Variants in RANBP3 observed in about 807,000 individuals in gnomAD.
The protein encoded by RANBP3 is RAN binding protein 3.
RANBP3 carries 14 observed loss-of-function variants against 77.3 expected under a neutral mutation model. That is an observed-to-expected ratio of 0.18 (90% CI 0.12 to 0.28). The LOEUF (loss-of-function observed/expected upper bound fraction) is 0.28. Ranked by LOEUF, RANBP3 falls within the 10% of genes least tolerant of loss-of-function variation. The pLI, the probability that RANBP3 is intolerant of heterozygous loss-of-function variation, is 1.00. For synonymous variants in RANBP3, 315 were observed against 312.4 expected (o/e 1.01, Z -0.09); for missense variants, 586 against 752.3 (o/e 0.78, Z 2.59).
intron 14 of RANBP3, 24 bp from the exon 15 acceptor site, chr19:5,918,662 C>G: frequency 6.2e-7 from 1 of 1,607,896 alleles, no homozygotes; most frequent in South Asian, 1.1e-5. Flanking sequence ...GGCCACTCAG[C>G]CCTGGCCCCC....
intron 2 of RANBP3, 21 bp downstream of exon 2, chr19:5,957,897 G>C (rs1333915463): frequency 6.2e-7 from 1 of 1,613,316 alleles, no homozygotes; most frequent in Admixed American, 1.7e-5. Context: ...GAAGTGAAGA[G>C]AGAACGTACC....
chr19:5,961,345 A>T (rs1165274440), intron 1 of RANBP3, among the ~76,000 whole-genome samples: 1 of 151,986 alleles, frequency 6.6e-6, no homozygotes, highest in Non-Finnish European at 1.5e-5. Flanking sequence ...CGGGAGGCTG[A>T]GCTTGCAGTG....
chr19:5,944,542 G>A (rs937237913), intron 3 of RANBP3, among the ~76,000 whole-genome samples: 6 of 152,234 alleles, frequency 3.9e-5, no homozygotes, highest in African/African-American at 9.6e-5. Context: ...TGCCCTCGAC[G>A]GGCCCTTACA....
In RANBP3 at chr19:5,941,641, T is replaced by C. The variant is rs1297855159; in HGVS notation, c.386A>G (p.Gln129Arg). The change falls in exon 5 of 17, where the codon CAG (glutamine) becomes CGG (arginine). Residue 129 changes from glutamine to arginine, a missense_variant. Gln to Arg is a conservative substitution (Grantham distance 43). Transcript: ENST00000340578. Reference sequence around the variant, plus strand: ...TTTACCTGACTGTGAGGGTGGGAACTGGGTTAAAGAGGATGTTCTTTCTCG... The same window carrying C: ...TTTACCTGACTGTGAGGGTGGGAACCGGGTTAAAGAGGATGTTCTTTCTCG... ...VKRERTSSLT[Q>R]FPPSQSEERS... 1 of 1,613,222 alleles carries C rather than the reference T, an allele frequency of 6.2e-7. No homozygotes were observed. The highest frequency in any genetic ancestry group is 8.5e-7 in the Non-Finnish European group (1 of 1,179,556).
At chr19:5,944,892 T>C (rs1164228762) in intron 3 of RANBP3, among the ~76,000 whole-genome samples, 1 of 152,204 alleles carries the variant, frequency 6.6e-6, no homozygotes, top group Non-Finnish European at 1.5e-5. Context: ...CCTTACACGG[T>C]GTCCTCCCTG....
chr19:5,964,852 T>TTGG (rs1400764745), intron 1 of RANBP3, among the ~76,000 whole-genome samples: 1 of 16,996 alleles, frequency 5.9e-5, no homozygotes, highest in Admixed American at 9.0e-4. Context: ...GGTGGTAGGG[T>TTGG]GGGGGGGGGG....
intron 14 of RANBP3, among the ~76,000 whole-genome samples, chr19:5,920,404 GCC>G (rs2057802796): frequency 6.6e-6 from 1 of 152,004 alleles, no homozygotes; most frequent in Non-Finnish European, 1.5e-5. Context: ...AAAAAGACAC[GCC>G]CACATTTCAA....
chr19:5,937,935 G>A (rs1468996378), intron 5 of RANBP3, among the ~76,000 whole-genome samples: 1 of 152,150 alleles, frequency 6.6e-6, no homozygotes, highest in Non-Finnish European at 1.5e-5. Context: ...CTGCCTCACC[G>A]TGGCAGGCTC....
intron 5 of RANBP3, among the ~76,000 whole-genome samples, chr19:5,935,105 C>T (rs1431323037): frequency 1.3e-5 from 2 of 152,194 alleles, no homozygotes; most frequent in African/African-American, 4.8e-5. Context: ...TACACTAAAA[C>T]GATGACAACA....
intron 7 of RANBP3, among the ~76,000 whole-genome samples, chr19:5,931,902 G>A (rs1599736428): frequency 6.6e-6 from 1 of 152,020 alleles, no homozygotes; most frequent in African/African-American, 2.4e-5. Context: ...GGGTGTGGTG[G>A]TGCACACTTG....
rs752625202 is a variant in RANBP3, at chr19:5,923,224, G to C, written c.1179C>G (p.Thr393=). The change falls in exon 13 of 17, where the codon ACC becomes ACG. Residue 393 remains threonine, a synonymous_variant. Transcript: ENST00000340578. The part of the protein sequence containing the change: ...KCLLEKVEVI[T]GEEAESNVLQ... ...ACACATTGCTCTCCGCCTCCTCCCC[G>C]GTGATGACTTCCACTTTTTCCAACA... 6.2e-7 allele frequency: 1 copy of C among 1,614,150 alleles called. No individual in the cohort carries two copies. Among genetic ancestry groups the C allele is most frequent in the Non-Finnish European group, 8.5e-7 (1 of 1,180,004 alleles).
chr19:5,951,735 G>A, intron 2 of RANBP3, 139 bp from the exon 3 acceptor site: 2 of 768,144 alleles, frequency 2.6e-6, no homozygotes, highest in South Asian at 3.2e-5. Flanking sequence ...GGGGAGAGCA[G>A]GCACCTGCTT....
chr19:5,923,993 G>C (rs1482554145), intron 11 of RANBP3, 79 bp from the exon 12 acceptor site: 2 of 1,126,094 alleles, frequency 1.8e-6, no homozygotes, highest in African/African-American at 3.1e-5. Context: ...CTCTCTGCCT[G>C]GCCCCCAACA....
chr19:5,949,168 C>T (rs1330251597), intron 3 of RANBP3, among the ~76,000 whole-genome samples: 1 of 152,164 alleles, frequency 6.6e-6, no homozygotes, highest in Admixed American at 6.5e-5. Context: ...TGCCGGGTAA[C>T]ATGGGGGTGG....
At position 5,958,106 on chromosome 19, in the gene RANBP3, G is replaced by A. The variant is rs2058356949; in HGVS notation, c.23-133C>T. 6.1e-6 allele frequency: 5 copies of A among 814,192 alleles called. No individual in the cohort carries two copies. Among genetic ancestry groups the A allele is most frequent in the Non-Finnish European group, 9.7e-6 (5 of 514,844 alleles). 50.4% of individuals were successfully genotyped at this position (814,192 alleles called of 1,614,324 possible). A position where few individuals can be genotyped will look rare whatever the true frequency, so the allele number is the denominator to read the frequency against. On this transcript the variant is annotated intron_variant, in intron 1 of 16. Transcript: ENST00000340578. This position sits in a 1 kb window ranked among gnomAD's most constrained non-coding sequence, Gnocchi z 4.4. The stretch of plus-strand genomic sequence containing the variant: ...ACTCCAGAGAACATCAAATCACTTA[G>A]AACAGCGTCTTGACTCGGATGCCTG...
intron 5 of RANBP3, among the ~76,000 whole-genome samples, chr19:5,937,894 G>A (rs1018857667): frequency 1.3e-5 from 2 of 152,018 alleles, no homozygotes; most frequent in African/African-American, 2.4e-5. Context: ...CCAGACACAC[G>A]GCTTTAGTAA....
Position 5,941,601 on chromosome 19 carries a change from C to T in RANBP3, c.406+20G>A, listed in dbSNP as rs373981400. On this transcript the variant is annotated intron_variant, in intron 5 of 16. Coordinates refer to ENST00000340578, the MANE Select transcript of RANBP3 (RefSeq NM_007322.3). The stretch of plus-strand genomic sequence containing the variant: ...GTAAGCATAAACGCTTTCACCATTC[C>T]GTAAGTTTGCATATTTTACCTGACT... The T allele has an allele frequency of 8.2e-5, 131 of 1,594,864 alleles. 1 individual carries two copies. The East Asian group carries it at 2.5e-3, about 30-fold the overall frequency.
At chr19:5,937,780 G>A (rs1245356910) in intron 5 of RANBP3, among the ~76,000 whole-genome samples, 1 of 151,714 alleles carries the variant, frequency 6.6e-6, no homozygotes, top group East Asian at 1.9e-4. Flanking sequence ...GCTCGAGGCT[G>A]GAGGGGAAAG....
At position 5,978,041 on chromosome 19, in the gene RANBP3, C is replaced by A. The variant is rs1380096207; in HGVS notation, c.22+20G>T. 8 of 1,609,840 alleles carry A rather than the reference C, an allele frequency of 5.0e-6. No homozygotes were observed. The South Asian group carries it at 8.9e-5, about 18-fold the overall frequency. On this transcript the variant is annotated intron_variant, in intron 1 of 16. Coordinates refer to ENST00000340578, the MANE Select transcript of RANBP3 (RefSeq NM_007322.3). Reference sequence around the variant, plus strand: ...CCCGTTCCCCGGCCGCCAGCCGGTCCCCAACGGCGCCTCCCCTACCTTCGT... The same window carrying A: ...CCCGTTCCCCGGCCGCCAGCCGGTCACCAACGGCGCCTCCCCTACCTTCGT...
Sources: gnomAD v4.1 joint callset for allele counts (sites outside exome capture counted in the v4.1 genomes callset) on GRCh38, gnomAD v4.1.1 for gene constraint, Gnocchi (gnomAD v3.1) non-coding constraint, MANE v1.5 for transcripts, NCBI Gene and HGNC (gene_info 2026-07-23, HGNC 2026-07-21) for gene names.